CSE1L: variants seen among roughly 807,000 people sequenced by gnomAD.
CSE1L encodes the protein chromosome segregation 1 like.
A neutral mutation model predicts 120.4 loss-of-function variants in CSE1L; 24 were observed. That is an observed-to-expected ratio of 0.20 (90% CI 0.14 to 0.28). The LOEUF is 0.28. Ranked by LOEUF, CSE1L falls within the 10% of genes least tolerant of loss-of-function variation. CSE1L has a pLI of 1.00. For synonymous variants in CSE1L, 402 were observed against 398.3 expected (o/e 1.01, Z -0.11); for missense variants, 830 against 1,145.2 (o/e 0.72, Z 3.97).
chr20:49,057,367 A>G (rs990441589), intron 1 of CSE1L, among the ~76,000 whole-genome samples: 3 of 151,998 alleles, frequency 2.0e-5, no homozygotes, highest in Admixed American at 6.6e-5. Flanking sequence ...CATGTTGTAC[A>G]TGAAGGAATT....
chr20:49,070,216 A>AT lies in CSE1L; in HGVS notation c.693dup (p.Glu232Ter). 3 of 1,436,738 alleles carry AT rather than the reference A, an allele frequency of 2.1e-6. No individual in the cohort carries two copies. The highest frequency in any genetic ancestry group is 2.3e-5 in the East Asian group (1 of 42,842). 89.0% of individuals were successfully genotyped at this position (1,436,738 alleles called of 1,614,324 possible). A position where few individuals can be genotyped will look rare whatever the true frequency, so the allele number is the denominator to read the frequency against. Reference sequence around the variant, plus strand: ...TGTTTATTCTGTAGGATCTCCCTGAATTTTTTGAAGATAATATGGAAACTT... The same window carrying AT: ...TGTTTATTCTGTAGGATCTCCCTGAATTTTTTTGAAGATAATATGGAAACTT... On this transcript the variant is annotated frameshift_variant, in exon 8 of 25. Coordinates refer to ENST00000262982, the MANE Select transcript of CSE1L (RefSeq NM_001316.4). LOFTEE classifies it high-confidence loss of function.
rs776558691 is a variant in CSE1L, at chr20:49,063,291, A to G, written c.175A>G (p.Lys59Glu). ...GGAGAAGTCCCAGGATAATGTTATC[A>G]AAGTATGTGCTTCAGTAACATTCAA... ...LLEKSQDNVI[K>E]VCASVTFKNY... is the part of the protein sequence containing the mutation. The change falls in exon 3 of 25, where the codon AAA (lysine) becomes GAA (glutamate). Residue 59 changes from lysine (K) to glutamate (E), a missense_variant. Lys to Glu is a moderately conservative substitution (Grantham distance 56). Coordinates refer to ENST00000262982, the MANE Select transcript of CSE1L (RefSeq NM_001316.4). 1.9e-6 allele frequency: 3 copies of G among 1,567,556 alleles called. No homozygotes were observed. The South Asian group carries it at 3.5e-5, about 18-fold the overall frequency.
chr20:49,080,583 T>C (rs942718354), intron 14 of CSE1L, among the ~76,000 whole-genome samples: 4 of 152,188 alleles, frequency 2.6e-5, no homozygotes, highest in African/African-American at 9.6e-5. Context: ...TTCAAGCGAT[T>C]TTCTTGCCTC....
intron 1 of CSE1L, among the ~76,000 whole-genome samples, chr20:49,051,762 A>G (rs570319808): frequency 6.6e-6 from 1 of 152,350 alleles, no homozygotes; most frequent in South Asian, 2.1e-4. Context: ...CAATGGCATG[A>G]TCATAGCTCA....
At chr20:49,062,082 C>G (rs2091857538) in intron 2 of CSE1L, among the ~76,000 whole-genome samples, 1 of 152,136 alleles carries the variant, frequency 6.6e-6, no homozygotes, top group African/African-American at 2.4e-5. Flanking sequence ...AGGAAAGAGA[C>G]TTGGCAATTT....
intron 6 of CSE1L, among the ~76,000 whole-genome samples, chr20:49,067,928 C>CTTTTTTTTTTTTTTTT (rs10567768): frequency 1.3e-5 from 1 of 78,480 alleles, no homozygotes; most frequent in Non-Finnish European, 2.3e-5. Flanking sequence ...TTCCCTCTCT[C>CTTTTTTTTTTTTTTTT]TTTTTTTTTT....
intron 1 of CSE1L, among the ~76,000 whole-genome samples, chr20:49,047,295 TTATTTACCGTGGTTTACAAA>T: frequency 6.6e-6 from 1 of 152,024 alleles, no homozygotes; most frequent in East Asian, 1.9e-4. Flanking sequence ...ATGCGCTGAG[TTATTTACCGTGGTTTACAAA>T]GGTTCCCTGG....
chr20:49,065,312 AATTTTTT>A (rs1156706685), intron 3 of CSE1L, among the ~76,000 whole-genome samples: 3 of 79,398 alleles, frequency 3.8e-5, no homozygotes, highest in Non-Finnish European at 4.8e-5. Flanking sequence ...ATGAAAAAAA[AATTTTTT>A]TTTTTTTTTT....
chr20:49,083,990 T>C, intron 14 of CSE1L, 36 bp from the exon 15 acceptor site: 1 of 1,585,214 alleles, frequency 6.3e-7, no homozygotes, highest in Non-Finnish European at 8.6e-7. Flanking sequence ...TATGGAATCA[T>C]TGCATTTAGA....
intron 1 of CSE1L, among the ~76,000 whole-genome samples, chr20:49,051,413 C>T (rs1289555617): frequency 6.6e-6 from 1 of 152,142 alleles, no homozygotes; most frequent in Non-Finnish European, 1.5e-5. Context: ...CGTGGTGGCA[C>T]GCACCTGTAG....
Position 49,075,426 on chromosome 20 carries a change from A to T in CSE1L, c.1241A>T (p.Gln414Leu). The T allele has an allele frequency of 6.2e-7, 1 of 1,614,114 alleles. No individual in the cohort carries two copies. Among genetic ancestry groups the T allele is most frequent in the Non-Finnish European group, 8.5e-7 (1 of 1,179,978 alleles). ...TCTGGTTATGTTAATTCCATGCTGC[A>T]GGAATACGCAAAAAATCCATCTGTC... ...IFSGYVNSML[Q>L]EYAKNPSVNW... is the part of the protein sequence containing the mutation. Residue 414 changes from glutamine (Q) to leucine (L), a missense_variant, in exon 12 of 25, where the codon CAG becomes CTG. Around this residue, in one of 4 missense-constraint regions of CSE1L, gnomAD observed 543 missense variants for 640.2 expected, o/e 0.85. Coordinates refer to ENST00000262982, the MANE Select transcript of CSE1L (RefSeq NM_001316.4).
intron 16 of CSE1L, among the ~76,000 whole-genome samples, 155 bp downstream of exon 16, chr20:49,085,541 T>C (rs1600543415): frequency 6.6e-6 from 1 of 151,194 alleles, no homozygotes; most frequent in Non-Finnish European, 1.5e-5. Flanking sequence ...AAAAACATTA[T>C]CTTGTTTACT....
Position 49,072,704 on chromosome 20 carries a change from A to T in CSE1L, c.1066+7A>T. On this transcript the variant is annotated splice_region_variant and intron_variant, in intron 10 of 24. Coordinates refer to ENST00000262982, the MANE Select transcript of CSE1L (RefSeq NM_001316.4). The stretch of plus-strand genomic sequence containing the variant: ...CCTAACATGGAATTTAGAGGTAATT[A>T]TGGCAAAAGTATATTAGTATAAATC... 6.2e-7 allele frequency: 1 copy of T among 1,603,298 alleles called. No homozygotes were observed. The highest frequency in any genetic ancestry group is 8.5e-7 in the Non-Finnish European group (1 of 1,176,728).
chr20:49,053,559 C>T (rs1419288065), intron 1 of CSE1L, among the ~76,000 whole-genome samples: 1 of 151,808 alleles, frequency 6.6e-6, no homozygotes, highest in African/African-American at 2.4e-5. Context: ...CCATGTTGGC[C>T]AGGCTGGTCT....
At chr20:49,095,097 ATTTTC>A in intron 24 of CSE1L, 134 bp downstream of exon 24, 1 of 726,026 alleles carries the variant, frequency 1.4e-6, no homozygotes, top group South Asian at 1.6e-5. Flanking sequence ...CAGCAAGCTT[ATTTTC>A]TTTAATTAAA....
chr20:49,096,757 G>T lies in CSE1L; in HGVS notation c.*319G>T. ...TTGACGGACACTGTGGAGACTTTCT[G>T]TTACTAAATCCTTTTGTTTTGAAGC... On this transcript the variant is annotated 3_prime_UTR_variant, in exon 25 of 25. Coordinates refer to ENST00000262982, the MANE Select transcript of CSE1L (RefSeq NM_001316.4). 3.6e-6 allele frequency: 1 copy of T among 274,752 alleles called. No individual in the cohort carries two copies. The highest frequency in any genetic ancestry group is 8.4e-5 in the South Asian group (1 of 11,864). 17.0% of individuals were successfully genotyped at this position (274,752 alleles called of 1,614,324 possible). A position where few individuals can be genotyped will look rare whatever the true frequency, so the allele number is the denominator to read the frequency against.
intron 22 of CSE1L, among the ~76,000 whole-genome samples, chr20:49,093,131 C>G (rs905620587): frequency 2.0e-5 from 3 of 152,144 alleles, no homozygotes; most frequent in African/African-American, 7.2e-5. Context: ...TCTACATTGA[C>G]TAAAAAATGA....
At chr20:49,069,780 A>G (rs2091918970) in intron 7 of CSE1L, among the ~76,000 whole-genome samples, 1 of 152,238 alleles carries the variant, frequency 6.6e-6, no homozygotes. Flanking sequence ...GGGGACTTGT[A>G]CCCTCATTAA....
At chr20:49,084,528 G>A (rs908767412) in intron 15 of CSE1L, among the ~76,000 whole-genome samples, 1 of 152,188 alleles carries the variant, frequency 6.6e-6, no homozygotes, top group African/African-American at 2.4e-5. Flanking sequence ...TGAGATAAAA[G>A]TTAAAGCAGA....
Sources: gnomAD v4.1 joint callset for allele counts (sites outside exome capture counted in the v4.1 genomes callset) on GRCh38, gnomAD v4.1.1 for gene constraint, gnomAD v4.1.1 regional missense constraint, MANE v1.5 for transcripts, NCBI Gene and HGNC (gene_info 2026-07-23, HGNC 2026-07-21) for gene names.